The following POLN variants were observed in gnomAD, a reference collection of about 807,000 sequenced individuals.
POLN encodes the protein DNA polymerase N.
POLN carries 108 observed loss-of-function variants against 113.5 expected under a neutral mutation model. The observed-to-expected ratio is 0.95, with a 90% CI of 0.81 to 1.12. POLN has a LOEUF of 1.12. Among genes scored for constraint, POLN ranks in the 50% most tolerant of loss-of-function variants. The pLI, the probability that POLN is intolerant of heterozygous loss-of-function variation, is 0.00. For synonymous variants in POLN, 386 were observed against 391.5 expected (o/e 0.99, Z 0.17); for missense variants, 1,097 against 1,077.1 (o/e 1.02, Z -0.26).
chr4:2,222,903 A>C (rs1013542386), intron 3 of POLN, among the ~76,000 whole-genome samples: 5 of 152,144 alleles, frequency 3.3e-5, no homozygotes, highest in African/African-American at 1.2e-4. Context: ...ACAACTTGTG[A>C]TGAGGTCATC....
chr4:2,109,140 A>T (rs781471346), intron 19 of POLN, among the ~76,000 whole-genome samples: 1 of 152,234 alleles, frequency 6.6e-6, no homozygotes, highest in Non-Finnish European at 1.5e-5. Flanking sequence ...TAGTAGAAGA[A>T]TCTGAAAGAT....
At chr4:2,223,562 A>G (rs1331917810) in intron 3 of POLN, among the ~76,000 whole-genome samples, 2 of 152,180 alleles carry the variant, frequency 1.3e-5, no homozygotes, top group African/African-American at 2.4e-5. Context: ...CCTGGCGCCA[A>G]AAGGTTGGGG....
chr4:2,129,088 A>C, intron 18 of POLN, 91 bp downstream of exon 18: 1 of 833,000 alleles, frequency 1.2e-6, no homozygotes, highest in South Asian at 1.7e-5. Context: ...AATTTATTTG[A>C]AAGAATGAAT....
chr4:2,236,816 T>C (rs765228156), intron 2 of POLN, among the ~76,000 whole-genome samples: 5 of 151,492 alleles, frequency 3.3e-5, no homozygotes, highest in Non-Finnish European at 5.9e-5. Context: ...TGAACCCAGA[T>C]TGCGCCACTG....
intron 19 of POLN, among the ~76,000 whole-genome samples, chr4:2,098,591 C>A (rs1012421142): frequency 2.0e-5 from 3 of 152,134 alleles, no homozygotes; most frequent in Admixed American, 6.5e-5. Flanking sequence ...CTGGAGACAT[C>A]AGTATGAACT....
rs753491572 is a variant in POLN at position 2,080,949 on chromosome 4, C to A, written c.2387+9G>T. 2 of 1,613,900 alleles carry A rather than the reference C, an allele frequency of 1.2e-6. No individual in the cohort carries two copies. The highest frequency in any genetic ancestry group is 1.7e-5 in the Admixed American group (1 of 60,026). On this transcript the variant is annotated intron_variant, in intron 23 of 25. Transcript: ENST00000511885. ...CCATCCAAGCCCTGGGAGACCACCA[C>A]CCACTGACCTGGCCGTCAAGGTGTG...
intron 7 of POLN, among the ~76,000 whole-genome samples, chr4:2,192,320 T>C (rs1315299947): frequency 6.6e-6 from 1 of 152,054 alleles, no homozygotes; most frequent in Non-Finnish European, 1.5e-5. Flanking sequence ...ATATTTTTGC[T>C]ATATTTGTTT....
At chr4:2,213,012 T>G in intron 4 of POLN, 35 bp downstream of exon 4, 1 of 1,445,416 alleles carries the variant, frequency 6.9e-7, no homozygotes, top group Non-Finnish European at 9.6e-7. Context: ...AAATAAGTTA[T>G]CTATTTAAAA....
At chr4:2,141,088 G>A (rs1342935128) in intron 16 of POLN, 1 of 152,378 alleles carries the variant, frequency 6.6e-6, no homozygotes, top group Non-Finnish European at 1.5e-5. Flanking sequence ...GAGAGAAGCT[G>A]GGTGTGCCCA....
At chr4:2,184,223 G>A (rs1577750058) in intron 7 of POLN, among the ~76,000 whole-genome samples, 2 of 131,110 alleles carry the variant, frequency 1.5e-5, no homozygotes, top group African/African-American at 3.0e-5. Flanking sequence ...CCAACACCAA[G>A]ACACAGTCTA....
chr4:2,168,709 G>A (rs1424928703), intron 13 of POLN, among the ~76,000 whole-genome samples: 2 of 152,152 alleles, frequency 1.3e-5, no homozygotes, highest in Admixed American at 1.3e-4. Flanking sequence ...GGAGCTCTGG[G>A]GCATGCTGCC....
chr4:2,155,996 A>T (rs1201948304), intron 16 of POLN, among the ~76,000 whole-genome samples: 1 of 151,990 alleles, frequency 6.6e-6, no homozygotes, highest in Non-Finnish European at 1.5e-5. Flanking sequence ...CACCACGCCC[A>T]GCTAATTTTT....
At chr4:2,195,658 A>AT (rs1733555390) in intron 6 of POLN, among the ~76,000 whole-genome samples, 1 of 151,738 alleles carries the variant, frequency 6.6e-6, no homozygotes, top group South Asian at 2.1e-4. Flanking sequence ...TAATTTTTAA[A>AT]TTTTTTGTAG....
At chr4:2,088,878 G>A (rs1158218066) in intron 20 of POLN, 168 of 1,445,680 alleles carry the variant, frequency 1.2e-4, no homozygotes, top group Non-Finnish European at 1.4e-4. Flanking sequence ...AGGGTGCGTC[G>A]CTTGCAGCTT....
chr4:2,208,300 T>C lies in POLN; in HGVS notation c.401A>G (p.His134Arg), dbSNP rs1450100993. The C allele has an allele frequency of 1.2e-6, 2 of 1,602,454 alleles. No homozygotes were observed. Among genetic ancestry groups the C allele is most frequent in the East Asian group, 2.2e-5 (1 of 44,828 alleles). ...QEASVLQKKG[H>R]KRKHFLMENI... ...CTCCATTAGGAAATGCTTTCTTTTATGCCCCTTTTTCTGTAGAACTGAAGC... is the reference window on the plus strand; with the variant it reads ...CTCCATTAGGAAATGCTTTCTTTTACGCCCCTTTTTCTGTAGAACTGAAGC... The change falls in exon 5 of 26, where the codon CAT (histidine) becomes CGT (arginine). Residue 134 changes from histidine (H) to arginine (R), a missense_variant. By Grantham distance (29) the His-to-Arg change is conservative. Transcript: ENST00000511885.
intron 6 of POLN, among the ~76,000 whole-genome samples, chr4:2,197,589 T>A (rs944517983): frequency 1.3e-5 from 2 of 152,182 alleles, no homozygotes; most frequent in Admixed American, 6.5e-5. Context: ...AGAAACATCA[T>A]CCAGATATTA....
chr4:2,234,699 A>G (rs1734696493), intron 2 of POLN, among the ~76,000 whole-genome samples: 1 of 152,244 alleles, frequency 6.6e-6, no homozygotes, highest in African/African-American at 2.4e-5. Context: ...AGGAATATTA[A>G]TATTAGACAA....
intron 6 of POLN, among the ~76,000 whole-genome samples, chr4:2,196,505 G>A (rs987566219): frequency 6.6e-6 from 1 of 152,098 alleles, no homozygotes; most frequent in African/African-American, 2.4e-5. Flanking sequence ...AAAAACTAGG[G>A]ACATGGCCAC....
At chr4:2,200,150 G>A (rs560779471) in intron 5 of POLN, among the ~76,000 whole-genome samples, 1 of 152,216 alleles carries the variant, frequency 6.6e-6, no homozygotes, top group Non-Finnish European at 1.5e-5. Context: ...AATTCCAGCT[G>A]GATTTTTGCA....
Sources: gnomAD v4.1 joint callset for allele counts (sites outside exome capture counted in the v4.1 genomes callset) on GRCh38, gnomAD v4.1.1 for gene constraint, MANE v1.5 for transcripts, NCBI Gene and HGNC (gene_info 2026-07-23, HGNC 2026-07-21) for gene names.